The following RNF13 variants were observed in gnomAD, a reference collection of about 807,000 sequenced individuals.
RNF13 encodes ring finger protein 13.
Under a neutral mutation model 37.7 loss-of-function variants are expected in RNF13, and 19 were observed. The ratio of observed to expected loss-of-function variants is 0.50; its 90% CI spans 0.35 to 0.74. The LOEUF (loss-of-function observed/expected upper bound fraction) is 0.74, where lower values mean the gene tolerates loss of function less well. RNF13 is among the 30% of genes least tolerant of loss of function. The pLI, the probability that RNF13 is intolerant of heterozygous loss-of-function variation, is 0.01. For synonymous variants in RNF13, 144 were observed against 157.8 expected (o/e 0.91, Z 0.65); for missense variants, 375 against 453.0 (o/e 0.83, Z 1.56).
At chr3:149,871,177 GA>G (rs376986291) in intron 3 of RNF13, among the ~76,000 whole-genome samples, 30 of 151,772 alleles carry the variant, frequency 2.0e-4, no homozygotes, top group African/African-American at 6.0e-4. Context: ...AAGTAGCTGG[GA>G]CTACAGGTGT....
At chr3:149,819,660 A>G (rs566996980) in intron 1 of RNF13, among the ~76,000 whole-genome samples, 1 of 152,328 alleles carries the variant, frequency 6.6e-6, no homozygotes, top group South Asian at 2.1e-4. Context: ...ACAGAGAAAA[A>G]GACTGGAGGA....
chr3:149,916,646 G>A (rs548490612), intron 7 of RNF13, among the ~76,000 whole-genome samples: 2 of 152,050 alleles, frequency 1.3e-5, no homozygotes, highest in East Asian at 3.9e-4. Flanking sequence ...TTCCCTTGGG[G>A]TTTCAGCATA....
At chr3:149,931,178 C>G (rs185558056) in intron 8 of RNF13, among the ~76,000 whole-genome samples, 51 of 152,244 alleles carry the variant, frequency 3.3e-4, no homozygotes, top group African/African-American at 1.2e-3. Context: ...ACCCTTCCAC[C>G]TCAGCCTTCC....
intron 6 of RNF13, among the ~76,000 whole-genome samples, chr3:149,904,587 C>T (rs1260583610): frequency 6.6e-6 from 1 of 152,044 alleles, no homozygotes; most frequent in East Asian, 1.9e-4. Context: ...ATTGAAAACA[C>T]AGGTTTATTT....
intron 8 of RNF13, 112 bp downstream of exon 8, chr3:149,921,339 A>G (rs560700639): frequency 7.1e-6 from 2 of 282,404 alleles, no homozygotes; most frequent in Non-Finnish European, 1.3e-5. Context: ...TCTAGGGTAC[A>G]TGTGCACAAC....
intron 8 of RNF13, among the ~76,000 whole-genome samples, chr3:149,929,008 T>G (rs567177226): frequency 1.3e-5 from 2 of 152,318 alleles, no homozygotes; most frequent in African/African-American, 4.8e-5. Flanking sequence ...CAACTGATTT[T>G]TATGCATTGA....
intron 4 of RNF13, among the ~76,000 whole-genome samples, chr3:149,892,236 G>T (rs982185266): frequency 2.0e-5 from 3 of 152,136 alleles, no homozygotes; most frequent in African/African-American, 7.2e-5. Flanking sequence ...ATATAATTTT[G>T]TAGTGTATTT....
At chr3:149,879,685 C>G (rs1422390624) in intron 4 of RNF13, among the ~76,000 whole-genome samples, 1 of 152,032 alleles carries the variant, frequency 6.6e-6, no homozygotes, top group Non-Finnish European at 1.5e-5. Flanking sequence ...TGAGAAAGCT[C>G]TATATTTGCA....
chr3:149,870,231 G>A (rs1408499421), intron 3 of RNF13, among the ~76,000 whole-genome samples: 1 of 151,652 alleles, frequency 6.6e-6, no homozygotes, highest in Non-Finnish European at 1.5e-5. Context: ...TTCCACTTTG[G>A]TCTTACTTTT....
At chr3:149,839,963 A>G (rs1271907912) in intron 1 of RNF13, among the ~76,000 whole-genome samples, 1 of 152,116 alleles carries the variant, frequency 6.6e-6, no homozygotes, top group East Asian at 1.9e-4. Context: ...TGAATTTTGT[A>G]GAAATTGGGG....
chr3:149,941,747 A>G (rs1720301687), intron 8 of RNF13, among the ~76,000 whole-genome samples: 1 of 151,700 alleles, frequency 6.6e-6, no homozygotes, highest in Non-Finnish European at 1.5e-5. Flanking sequence ...TGTCACTTCC[A>G]AGACATAATT....
intron 6 of RNF13, among the ~76,000 whole-genome samples, chr3:149,909,442 A>ATTTTTTTTTTTTTTTTTTT (rs35918938): frequency 1.7e-5 from 2 of 114,448 alleles, no homozygotes; most frequent in African/African-American, 3.4e-5. Context: ...TGCCTGGTTA[A>ATTTTTTTTTTTTTTTTTTT]TTTTTTTTTT....
At chr3:149,847,097 C>T (rs978934856) in intron 2 of RNF13, among the ~76,000 whole-genome samples, 4 of 152,128 alleles carry the variant, frequency 2.6e-5, no homozygotes, top group Non-Finnish European at 5.9e-5. Context: ...GCATTCAGTA[C>T]GCACCTCAAC....
At chr3:149,880,387 AG>A (rs1391339709) in intron 4 of RNF13, among the ~76,000 whole-genome samples, 3 of 152,214 alleles carry the variant, frequency 2.0e-5, no homozygotes, top group African/African-American at 7.2e-5. Context: ...TAATATACAT[AG>A]GTAACTAGAG....
In RNF13 at chr3:149,816,064, A is replaced by ATT. The variant is rs36004917; in HGVS notation, c.-17+2726_-17+2727dup. On this transcript the variant is annotated intron_variant, in intron 1 of 9. Coordinates refer to ENST00000392894, the MANE Select transcript of RNF13 (RefSeq NM_183381.3). ...TAAACCCCCATGCCTGGCTAATTAA[A>ATT]TTTTTTTTTTTTTTTTGTAGAGACA... Among the ~76,000 whole-genome samples the ATT allele has an allele frequency of 1.2e-3, 165 of 142,266 alleles. 1 individual carries two copies. Among genetic ancestry groups the ATT allele is most frequent in the Non-Finnish European group, 1.3e-3 (85 of 65,534 alleles). 93.3% of individuals were successfully genotyped at this position (142,266 alleles called of 152,430 possible).
At chr3:149,896,287 G>A (rs1269818968) in intron 5 of RNF13, among the ~76,000 whole-genome samples, 1 of 151,968 alleles carries the variant, frequency 6.6e-6, no homozygotes, top group Non-Finnish European at 1.5e-5. Flanking sequence ...TTGTTATTAA[G>A]TCCTATTGAT....
intron 8 of RNF13, among the ~76,000 whole-genome samples, chr3:149,928,962 C>A (rs1718918799): frequency 6.6e-6 from 1 of 152,004 alleles, no homozygotes; most frequent in African/African-American, 2.4e-5. Flanking sequence ...TTCTAAATTT[C>A]TTTTATGGAT....
chr3:149,820,067 C>CTGA (rs1041159420), intron 1 of RNF13, among the ~76,000 whole-genome samples: 4 of 151,932 alleles, frequency 2.6e-5, no homozygotes, highest in African/African-American at 9.7e-5. Context: ...GAAAAGAAAA[C>CTGA]TGAAATTTTG....
chr3:149,817,235 T>C (rs1719553636), intron 1 of RNF13: 1 of 152,204 alleles, frequency 6.6e-6, no homozygotes, highest in Non-Finnish European at 1.5e-5. Context: ...CTCCTTAAAT[T>C]ACTCACAAGT....
Sources: gnomAD v4.1 joint callset for allele counts (sites outside exome capture counted in the v4.1 genomes callset) on GRCh38, gnomAD v4.1.1 for gene constraint, MANE v1.5 for transcripts, NCBI Gene and HGNC (gene_info 2026-07-23, HGNC 2026-07-21) for gene names.